The following ZNF879 variants were observed in gnomAD, a reference collection of about 807,000 sequenced individuals.
The protein encoded by ZNF879 is zinc finger protein 879.
Under a neutral mutation model 44.3 loss-of-function variants are expected in ZNF879, and 32 were observed. The observed-to-expected ratio is 0.72, with a 90% CI of 0.54 to 0.97. The LOEUF is 0.97. Among genes scored for constraint, ZNF879 ranks in the 50% least tolerant of loss-of-function variants. The probability of loss-of-function intolerance (pLI) is 0.00; values close to 1 mark genes in which losing one functional copy is unlikely to be tolerated. For synonymous variants in ZNF879, 234 were observed against 233.2 expected, an observed-to-expected ratio of 1.00 and a Z score of -0.03; for missense variants, 621 against 669.7, an observed-to-expected ratio of 0.93 and a Z score of 0.80.
At chr5:179,024,765 C>T (rs1428220599) in intron 1 of ZNF879, 2 of 550,522 alleles carry the variant, frequency 3.6e-6, no homozygotes, top group Non-Finnish European at 6.5e-6. Context: ...TCGTAAAGCA[C>T]TGGCAGAAAG....
At chr5:179,030,113 T>C (rs1200014720) in intron 4 of ZNF879, among the ~76,000 whole-genome samples, 1 of 152,238 alleles carries the variant, frequency 6.6e-6, no homozygotes, top group African/African-American at 2.4e-5. Context: ...GAAGCACTAT[T>C]CAACTTCATT....
At chr5:179,027,193 C>T (rs1456245149) in intron 2 of ZNF879, among the ~76,000 whole-genome samples, 1 of 152,166 alleles carries the variant, frequency 6.6e-6, no homozygotes, top group Non-Finnish European at 1.5e-5. Context: ...AGGGTTTGGT[C>T]TAGGTGATCG....
At chr5:179,032,123 T>A in intron 4 of ZNF879, 82 bp from the exon 5 acceptor site, 2 of 1,073,062 alleles carry the variant, frequency 1.9e-6, no homozygotes, top group South Asian at 3.6e-5. Context: ...GGCTTTATAT[T>A]TTTTAACTAT....
At chr5:179,031,023 C>G (rs941502748) in intron 4 of ZNF879, among the ~76,000 whole-genome samples, 1 of 152,184 alleles carries the variant, frequency 6.6e-6, no homozygotes, top group African/African-American at 2.4e-5. Flanking sequence ...TGCAGAACAT[C>G]CCAGATACGC....
intron 4 of ZNF879, among the ~76,000 whole-genome samples, chr5:179,028,784 T>C: frequency 6.6e-6 from 1 of 152,210 alleles, no homozygotes; most frequent in East Asian, 1.9e-4. Context: ...ATGACTGCAT[T>C]ATCAGCTTCC....
In ZNF879 at chr5:179,024,986, A is replaced by G. The variant is rs761194418; in HGVS notation, c.-19A>G. The G allele has an allele frequency of 3.4e-5, 52 of 1,551,588 alleles. No homozygotes were observed. In the Middle Eastern group the frequency reaches 2.2e-3, roughly 65 times the overall value. ...CCATTCCAGGTGCCTTCTCCAAGAG[A>G]GGCAGCAGGGAGGGAGAAATGGCAA... On this transcript the variant is annotated 5_prime_UTR_variant, in exon 2 of 5. Transcript: ENST00000444149.
chr5:179,025,182 T>C, intron 2 of ZNF879, 145 bp downstream of exon 2: 1 of 878,246 alleles, frequency 1.1e-6, no homozygotes, highest in Non-Finnish European at 1.8e-6. Flanking sequence ...AAGGAAGGTG[T>C]TTCCCTTGCC....
intron 2 of ZNF879, 41 bp downstream of exon 2, chr5:179,025,078 C>G (rs1282546285): frequency 1.9e-6 from 3 of 1,549,816 alleles, no homozygotes; most frequent in African/African-American, 1.4e-5. Context: ...CCTTCAGGGT[C>G]TAGACGTGGT....
rs1761486598 is a variant in ZNF879 at position 179,033,227 on chromosome 5, C to T, written c.1279C>T (p.Pro427Ser). ...QHQRIHTGEK[P>S]YKCNECGKAF... ...TCAAAGAATTCACACTGGAGAAAAACCCTACAAATGTAATGAATGTGGGAA... is the reference window on the plus strand; with the variant it reads ...TCAAAGAATTCACACTGGAGAAAAATCCTACAAATGTAATGAATGTGGGAA... Residue 427 changes from proline to serine, a missense_variant, in exon 5 of 5, where the codon CCC becomes TCC. Physicochemically the swap from Pro to Ser is moderately conservative, Grantham distance 74. Coordinates refer to ENST00000444149, the MANE Select transcript of ZNF879 (RefSeq NM_001136116.3). The T allele has an allele frequency of 1.9e-6, 3 of 1,594,450 alleles. No homozygotes were observed. Among genetic ancestry groups the T allele is most frequent in the Non-Finnish European group, 2.6e-6 (3 of 1,170,148 alleles).
chr5:179,026,661 T>A (rs898413685), intron 2 of ZNF879, among the ~76,000 whole-genome samples: 4 of 152,160 alleles, frequency 2.6e-5, no homozygotes, highest in Admixed American at 2.0e-4. Flanking sequence ...TAAAAAAAAA[T>A]TATTTTTTGC....
chr5:179,028,567 A>G (rs1410620871), intron 4 of ZNF879, among the ~76,000 whole-genome samples: 1 of 152,074 alleles, frequency 6.6e-6, no homozygotes, highest in Non-Finnish European at 1.5e-5. Flanking sequence ...ACATGGTTCA[A>G]AAGGGGGAAA....
intron 4 of ZNF879, among the ~76,000 whole-genome samples, chr5:179,030,529 A>G (rs1761390478): frequency 6.6e-6 from 1 of 152,242 alleles, no homozygotes; most frequent in East Asian, 1.9e-4. Flanking sequence ...AGAGAAGCTC[A>G]TGATTTTTAA....
At position 179,032,983 on chromosome 5, in the gene ZNF879, A is replaced by C. The variant is rs201080388; in HGVS notation, c.1035A>C (p.Glu345Asp). Reference sequence around the variant, plus strand: ...TTCATACTGGGGAGAAACCGTATGAATGTACTCAGTGTGGGAAAGCCTTCA... The same window carrying C: ...TTCATACTGGGGAGAAACCGTATGACTGTACTCAGTGTGGGAAAGCCTTCA... ...HRIHTGEKPY[E>D]CTQCGKAFTS... The change falls in exon 5 of 5, where the codon GAA becomes GAC. Residue 345 changes from glutamate to aspartate, a missense_variant. Transcript: ENST00000444149. The C allele has an allele frequency of 1.1e-4, 171 of 1,557,110 alleles. No homozygotes were observed. The East Asian group carries it at 4.1e-3, about 37-fold the overall frequency.
intron 2 of ZNF879, among the ~76,000 whole-genome samples, chr5:179,026,101 A>AC (rs1010313963): frequency 2.6e-5 from 4 of 152,020 alleles, no homozygotes; most frequent in South Asian, 2.1e-4. Context: ...AAAAAAAAAA[A>AC]ACAAAGAAAG....
rs1350864820 is a variant in ZNF879, at chr5:179,028,020, G to A, written c.161-12G>A. 1.3e-6 allele frequency: 2 copies of A among 1,551,214 alleles called. No homozygotes were observed. Among genetic ancestry groups the A allele is most frequent in the Non-Finnish European group, 1.7e-6 (2 of 1,146,670 alleles). ...CGATGGCCGCTCACGTTTCTTTCTT[G>A]TTCATGAACAGGGATTCTCTTTTCC... On this transcript the variant is annotated splice_polypyrimidine_tract_variant and intron_variant, in intron 3 of 4. Transcript: ENST00000444149.
At chr5:179,026,673 G>A (rs1220787331) in intron 2 of ZNF879, among the ~76,000 whole-genome samples, 1 of 152,168 alleles carries the variant, frequency 6.6e-6, no homozygotes, top group Non-Finnish European at 1.5e-5. Flanking sequence ...ATTTTTTGCA[G>A]AGATGAGGTC....
rs1402684240 is a variant in ZNF879, at chr5:179,033,610, T to G, written c.1662T>G (p.Ser554=). Residue 554 remains serine (S), a synonymous_variant, in exon 5 of 5, where the codon TCT becomes TCG. Transcript: ENST00000444149. ...GGAAGGCTTTTAGTCAGAGCTCATC[T>G]CTTACTAATCATCAAAGGACTCATA... is the stretch of plus-strand genomic sequence containing the variant. The part of the protein sequence containing the change: ...ECGKAFSQSS[S]LTNHQRTHN The G allele has an allele frequency of 7.2e-6, 11 of 1,526,204 alleles. No individual in the cohort carries two copies. Among genetic ancestry groups the G allele is most frequent in the Admixed American group, 4.5e-5 (2 of 44,446 alleles). 94.5% of individuals were successfully genotyped at this position (1,526,204 alleles called of 1,614,324 possible).
rs764900886 is a variant in ZNF879 at position 179,033,311 on chromosome 5, C to T, written c.1363C>T (p.Pro455Ser). The T allele has an allele frequency of 3.2e-6, 5 of 1,574,624 alleles. No homozygotes were observed. The highest frequency in any genetic ancestry group is 1.2e-5 in the South Asian group (1 of 86,480). ...TCACAGAATTCACACTGGAGAGAAA[C>T]CATATAATTGTAAGGAATGTGGAAA... is the stretch of plus-strand genomic sequence containing the variant. ...IHHRIHTGEK[P>S]YNCKECGKAF... Residue 455 changes from proline to serine, a missense_variant, in exon 5 of 5, where the codon CCA (proline) becomes TCA (serine). By Grantham distance (74) the Pro-to-Ser change is moderately conservative (BLOSUM62 -1). Coordinates refer to ENST00000444149, the MANE Select transcript of ZNF879 (RefSeq NM_001136116.3).
At chr5:179,027,449 A>T (rs762887538) in intron 2 of ZNF879, 24 bp from the exon 3 acceptor site, 1 of 1,612,928 alleles carries the variant, frequency 6.2e-7, no homozygotes, top group Non-Finnish European at 8.5e-7. Context: ...TCCTGGATGA[A>T]CAGGAGTGGG....
Sources: gnomAD v4.1 joint callset for allele counts (sites outside exome capture counted in the v4.1 genomes callset) on GRCh38, gnomAD v4.1.1 for gene constraint, MANE v1.5 for transcripts, NCBI Gene and HGNC (gene_info 2026-07-23, HGNC 2026-07-21) for gene names.